The following TLCD3B variants were observed in gnomAD, a reference collection of about 807,000 sequenced individuals.
TLCD3B encodes the protein ceramide synthase.
In TLCD3B, 9 loss-of-function variants were observed where a neutral mutation model predicts 23.0. The observed-to-expected ratio is 0.39, with a 90% CI of 0.24 to 0.68. The LOEUF is 0.68. Among genes scored for constraint, TLCD3B ranks in the 30% least tolerant of loss-of-function variants. The probability of loss-of-function intolerance (pLI) is 0.44; values close to 1 mark genes in which losing one functional copy is unlikely to be tolerated. For synonymous variants in TLCD3B, 161 were observed against 161.0 expected, an observed-to-expected ratio of 1.00 and a Z score of 0.00; for missense variants, 307 against 371.8, an observed-to-expected ratio of 0.83 and a Z score of 1.43.
At chr16:30,028,857 C>A (rs7204852) in intron 2 of TLCD3B, among the ~76,000 whole-genome samples, 6 of 152,008 alleles carry the variant, frequency 3.9e-5, no homozygotes, top group Non-Finnish European at 5.9e-5. Context: ...CCCCGTCCCC[C>A]CGCCTCCTGC....
Position 30,029,408 on chromosome 16 carries a change from A to AG in TLCD3B, c.209+23dup, listed in dbSNP as rs752586213. 1 of 1,606,508 alleles carries AG rather than the reference A, an allele frequency of 6.2e-7. No homozygotes were observed. Among genetic ancestry groups the AG allele is most frequent in the Non-Finnish European group, 8.5e-7 (1 of 1,173,670 alleles). On this transcript the variant is annotated intron_variant, in intron 2 of 4. Coordinates refer to ENST00000380495, the MANE Select transcript of TLCD3B (RefSeq NM_031478.6). The surrounding 1 kb of genome is among the most constrained non-coding windows in gnomAD (Gnocchi z 4.6). ...ACACGCCAACCACTGGCACCTGGGC[A>AG]GGGGGGTGTCTCGCAGCACTTACTG... is the stretch of plus-strand genomic sequence containing the variant.
At chr16:30,047,483 G>A (rs1251605897) in intron 1 of TLCD3B, among the ~76,000 whole-genome samples, 2 of 152,030 alleles carry the variant, frequency 1.3e-5, no homozygotes, top group Non-Finnish European at 2.9e-5. Context: ...CGCCATGCTC[G>A]GCTAATTTTT....
In TLCD3B at chr16:30,025,693, A is replaced by G. The variant is rs1383081249; in HGVS notation, c.540+33T>C. 1 of 1,607,330 alleles carries G rather than the reference A, an allele frequency of 6.2e-7. No homozygotes were observed. Among genetic ancestry groups the G allele is most frequent in the South Asian group, 1.1e-5 (1 of 90,920 alleles). Reference sequence around the variant, plus strand: ...TCCCTCCCCTTCCTGTGACCTCCCCATTGGGCTCCTGCACCCTCCCATGCT... The same window carrying G: ...TCCCTCCCCTTCCTGTGACCTCCCCGTTGGGCTCCTGCACCCTCCCATGCT... On this transcript the variant is annotated intron_variant, in intron 4 of 4. Coordinates refer to ENST00000380495, the MANE Select transcript of TLCD3B (RefSeq NM_031478.6). The surrounding 1 kb of genome is among the most constrained non-coding windows in gnomAD (Gnocchi z 4.1).
At chr16:30,040,294 T>C (rs1405057780) in intron 3 of TLCD3B, among the ~76,000 whole-genome samples, 1 of 151,852 alleles carries the variant, frequency 6.6e-6, no homozygotes, top group African/African-American at 2.4e-5. Context: ...CTTCACACGG[T>C]AGCCAGTAGC....
At chr16:30,028,624 A>G (rs546988892) in intron 2 of TLCD3B, among the ~76,000 whole-genome samples, 3 of 152,304 alleles carry the variant, frequency 2.0e-5, no homozygotes, top group Admixed American at 2.0e-4. Context: ...GCCTCACCAC[A>G]GAAGAGGCAA....
upstream of TLCD3B, chr16:30,036,127 T>A (rs974515539): frequency 4.8e-6 from 6 of 1,260,060 alleles, no homozygotes; most frequent in Non-Finnish European, 6.1e-6. Flanking sequence ...CCACCCTAAG[T>A]CACCTCTACC....
chr16:30,035,865 C>A (rs553658107), upstream of TLCD3B, among the ~76,000 whole-genome samples: 59 of 151,554 alleles, frequency 3.9e-4, no homozygotes, highest in African/African-American at 1.4e-3. Flanking sequence ...CGGGTTCAAG[C>A]AATTCTCCTG....
intron 2 of TLCD3B, among the ~76,000 whole-genome samples, chr16:30,044,610 C>G (rs2071628822): frequency 6.6e-6 from 1 of 152,196 alleles, no homozygotes; most frequent in African/African-American, 2.4e-5. Flanking sequence ...CTGTGGCTAC[C>G]ATGTACTTTA....
At chr16:30,044,393 C>T (rs573603995) in intron 2 of TLCD3B, among the ~76,000 whole-genome samples, 1 of 152,132 alleles carries the variant, frequency 6.6e-6, no homozygotes, top group South Asian at 2.1e-4. Context: ...CTGCAACCTC[C>T]GCCTCCTGGG....
chr16:30,031,736 C>G (rs905168241), upstream of TLCD3B, among the ~76,000 whole-genome samples: 1 of 152,214 alleles, frequency 6.6e-6, no homozygotes, highest in Admixed American at 6.5e-5. Context: ...AGAGGGGGCA[C>G]CTGACTGTGC....
At chr16:30,038,571 G>A (rs1360477171) in intron 3 of TLCD3B, among the ~76,000 whole-genome samples, 1 of 152,178 alleles carries the variant, frequency 6.6e-6, no homozygotes, top group Non-Finnish European at 1.5e-5. Context: ...CCAACATGGT[G>A]AAACCCCATC....
chr16:30,030,438 G>A lies in TLCD3B; in HGVS notation c.90C>T (p.Arg30=), dbSNP rs1412412632. The change falls in exon 1 of 5, where the codon CGC becomes CGT. Residue 30 remains arginine, a synonymous_variant. Transcript: ENST00000380495. ...KNTLQRLPQL[R]WEEADAVIVS... ...CAATGACTGCGTCGGCCTCCTCCCA[G>A]CGTAGCTGGGGCAGCCGCTGGAGCG... The A allele has an allele frequency of 1.2e-6, 2 of 1,603,584 alleles. No individual in the cohort carries two copies. The highest frequency in any genetic ancestry group is 1.7e-6 in the Non-Finnish European group (2 of 1,175,954).
rs1596749899 is a variant in TLCD3B at position 30,030,496 on chromosome 16, A to G, written c.32T>C (p.Val11Ala). The G allele has an allele frequency of 6.3e-7, 1 of 1,597,072 alleles. No homozygotes were observed. The highest frequency in any genetic ancestry group is 8.5e-7 in the Non-Finnish European group (1 of 1,173,644). ...GGAGAGGAGGAAGAGTCCGGGGAAC[A>G]CCACCCCCCCGGCCACCATCGGGGT... MLTPMVAGGV[V>A]FPGLFLLSKN... is the part of the protein sequence containing the mutation. The change falls in exon 1 of 5, where the codon GTG (valine) becomes GCG (alanine). Residue 11 changes from valine (V) to alanine (A), a missense_variant. Transcript: ENST00000380495.
chr16:30,025,153 T>TGGGGAG lies in TLCD3B; in HGVS notation c.*24_*29dup, dbSNP rs903705852. ...AGCCCTGTCTCCACGGGGGTGGGGG[T>TGGGGAG]GGGGAGGGGGAGGGTCCCGGCCCCC... On this transcript the variant is annotated 3_prime_UTR_variant, in exon 5 of 5. Coordinates refer to ENST00000380495, the MANE Select transcript of TLCD3B (RefSeq NM_031478.6). This position sits in a 1 kb window ranked among gnomAD's most constrained non-coding sequence, Gnocchi z 4.1. 41 of 1,283,286 alleles carry TGGGGAG rather than the reference T, an allele frequency of 3.2e-5. No homozygotes were observed. The highest frequency in any genetic ancestry group is 2.2e-4 in the East Asian group (8 of 37,064). The allele number at this position is 1,283,286 out of a possible 1,614,324, so 79.5% of individuals were successfully genotyped here.
chr16:30,045,504 GGTGT>G (rs562784911), intron 2 of TLCD3B, among the ~76,000 whole-genome samples: 1,884 of 126,134 alleles, frequency 0.015, 16 homozygotes, highest in Non-Finnish European at 0.023. Context: ...TGGTGTGTAT[GGTGT>G]GTGTGTGTGG....
intron 2 of TLCD3B, among the ~76,000 whole-genome samples, chr16:30,028,090 C>T (rs762790171): frequency 7.2e-5 from 11 of 152,226 alleles, no homozygotes; most frequent in East Asian, 1.9e-4. Context: ...GAACGCGAAG[C>T]GGGAACACAG....
Position 30,025,000 on chromosome 16 carries a change from A to C in TLCD3B, c.*183T>G. On this transcript the variant is annotated 3_prime_UTR_variant, in exon 5 of 5. Coordinates refer to ENST00000380495, the MANE Select transcript of TLCD3B (RefSeq NM_031478.6). ...TGCAGGAAGGGGGCAGAGTAGGGGG[A>C]AGAGGTCCCCTCTCTCCACCCCCTC... 1 of 526,754 alleles carries C rather than the reference A, an allele frequency of 1.9e-6. No homozygotes were observed. The highest frequency in any genetic ancestry group is 3.3e-6 in the Non-Finnish European group (1 of 303,874). 32.6% of individuals were successfully genotyped at this position (526,754 alleles called of 1,614,324 possible). A position where few individuals can be genotyped will look rare whatever the true frequency, so the allele number is the denominator to read the frequency against.
intron 1 of TLCD3B, among the ~76,000 whole-genome samples, chr16:30,051,867 AG>A (rs2071761370): frequency 1.3e-5 from 2 of 152,272 alleles, no homozygotes; most frequent in East Asian, 3.9e-4. Flanking sequence ...GGGAAGACAG[AG>A]GGTGTTCCAG....
At chr16:30,042,240 TTTTA>T (rs1163886613) in intron 2 of TLCD3B, among the ~76,000 whole-genome samples, 1 of 151,754 alleles carries the variant, frequency 6.6e-6, no homozygotes, top group East Asian at 1.9e-4. Context: ...ATTTATTTTA[TTTTA>T]TTTTATTTTT....
Sources: allele counts gnomAD v4.1 joint callset (sites outside exome capture counted in the v4.1 genomes callset), GRCh38; gene constraint gnomAD v4.1.1; non-coding constraint Gnocchi (gnomAD v3.1); transcripts MANE v1.5; gene names NCBI Gene and HGNC (gene_info 2026-07-23, HGNC 2026-07-21).